SKAP1: variants seen among roughly 807,000 people sequenced by gnomAD.
The protein encoded by SKAP1 is src kinase associated phosphoprotein 1, also known as src kinase-associated phosphoprotein 1.
Under a neutral mutation model 58.5 loss-of-function variants are expected in SKAP1, and 44 were observed. The ratio of observed to expected loss-of-function variants is 0.75; its 90% CI spans 0.59 to 0.97. The LOEUF (loss-of-function observed/expected upper bound fraction) is 0.97, where lower values mean the gene tolerates loss of function less well. SKAP1 is among the 50% of genes least tolerant of loss of function. The probability of loss-of-function intolerance (pLI) is 0.00; values close to 1 mark genes in which losing one functional copy is unlikely to be tolerated. For missense variants in SKAP1, 390 were observed against 435.2 expected (o/e 0.90, Z 0.92); for synonymous variants, 127 against 149.7 (o/e 0.85, Z 1.11).
chr17:48,230,391 A>T (rs939911213), intron 4 of SKAP1, among the ~76,000 whole-genome samples: 4 of 152,134 alleles, frequency 2.6e-5, no homozygotes, highest in African/African-American at 7.2e-5. Flanking sequence ...GAACTGCTTG[A>T]TGGGGGAGAG....
At chr17:48,153,909 AAAG>A (rs1206290066) in intron 11 of SKAP1, among the ~76,000 whole-genome samples, 3 of 152,124 alleles carry the variant, frequency 2.0e-5, no homozygotes, top group African/African-American at 4.8e-5. Flanking sequence ...AAAAAAAAAA[AAAG>A]AAAAAAAAAT....
intron 2 of SKAP1, among the ~76,000 whole-genome samples, chr17:48,370,117 CAG>C (rs1384975550): frequency 7.9e-5 from 12 of 152,116 alleles, no homozygotes; most frequent in African/African-American, 2.9e-4. Flanking sequence ...CCCAAATTCA[CAG>C]AGTCTATAAA....
intron 4 of SKAP1, among the ~76,000 whole-genome samples, chr17:48,296,870 C>T (rs190691102): frequency 3.9e-4 from 59 of 152,086 alleles, no homozygotes; most frequent in African/African-American, 1.3e-3. Flanking sequence ...ACTACAGCTT[C>T]AGAAACTGAA....
intron 4 of SKAP1, among the ~76,000 whole-genome samples, chr17:48,242,269 C>A (rs1051212962): frequency 6.6e-6 from 1 of 152,118 alleles, no homozygotes; most frequent in Non-Finnish European, 1.5e-5. Flanking sequence ...GAATGAACGT[C>A]GTTGATCAGT....
At chr17:48,410,961 AG>A (rs1289616759) in intron 1 of SKAP1, among the ~76,000 whole-genome samples, 5 of 150,948 alleles carry the variant, frequency 3.3e-5, no homozygotes, top group Non-Finnish European at 7.4e-5. Context: ...AAAAAAAGAA[AG>A]GGGCACAGGA....
At chr17:48,186,175 G>A (rs1482004564) in intron 6 of SKAP1, among the ~76,000 whole-genome samples, 1 of 152,184 alleles carries the variant, frequency 6.6e-6, no homozygotes, top group East Asian at 1.9e-4. Flanking sequence ...AGAACAACTG[G>A]CTGGATTGAA....
At chr17:48,425,971 C>T (rs1308855979) in intron 1 of SKAP1, among the ~76,000 whole-genome samples, 1 of 152,058 alleles carries the variant, frequency 6.6e-6, no homozygotes, top group African/African-American at 2.4e-5. Flanking sequence ...TTGAAGATAG[C>T]CGTAGACTGG....
intron 2 of SKAP1, 105 bp from the exon 3 acceptor site, chr17:48,363,919 G>T: frequency 1.3e-6 from 1 of 791,154 alleles, no homozygotes; most frequent in Non-Finnish European, 1.9e-6. Context: ...GCTTGCTAAA[G>T]TCTATAACCA....
chr17:48,158,177 CAAAAAA>C (rs55933327), intron 11 of SKAP1, among the ~76,000 whole-genome samples: 17 of 106,272 alleles, frequency 1.6e-4, no homozygotes, highest in African/African-American at 2.1e-4. Flanking sequence ...AACTCTGTCT[CAAAAAA>C]AAAAAAAAAA....
intron 4 of SKAP1, among the ~76,000 whole-genome samples, chr17:48,198,243 C>G (rs2064668895): frequency 6.6e-6 from 1 of 151,886 alleles, no homozygotes; most frequent in Non-Finnish European, 1.5e-5. Context: ...ATCACGAGGT[C>G]AGGAGATCGA....
chr17:48,373,519 A>T (rs556311984), intron 2 of SKAP1, among the ~76,000 whole-genome samples: 3 of 152,362 alleles, frequency 2.0e-5, no homozygotes, highest in South Asian at 2.1e-4. Flanking sequence ...TATATAAAAA[A>T]AAATAAATCT....
At chr17:48,410,959 A>G (rs1210147534) in intron 1 of SKAP1, among the ~76,000 whole-genome samples, 1 of 145,162 alleles carries the variant, frequency 6.9e-6, no homozygotes, top group African/African-American at 2.5e-5. Flanking sequence ...AAAAAAAAAG[A>G]AAGGGGCACA....
chr17:48,390,968 G>A lies in SKAP1; in HGVS notation c.152+5712C>T, dbSNP rs544584146. 1.5e-4 allele frequency among the ~76,000 whole-genome samples: 23 copies of A among 152,098 alleles called. No individual in the cohort carries two copies. The South Asian group carries it at 4.2e-3, about 28-fold the overall frequency. On this transcript the variant is annotated intron_variant, in intron 2 of 12. Transcript: ENST00000336915. ...TGCACGCCTGTAGTCCCAGCTACTC[G>A]GGTGGCTGAGGCACAAGAATTGCTT...
chr17:48,425,177 G>T (rs374684490), intron 1 of SKAP1, among the ~76,000 whole-genome samples: 15 of 152,264 alleles, frequency 9.9e-5, no homozygotes, highest in African/African-American at 3.4e-4. Flanking sequence ...AGAATTGCTC[G>T]AACCTGGGAG....
chr17:48,321,731 A>C (rs964820996), intron 4 of SKAP1, among the ~76,000 whole-genome samples: 3 of 152,034 alleles, frequency 2.0e-5, no homozygotes, highest in African/African-American at 7.2e-5. Context: ...TCTCCATTGA[A>C]AGGTCCACTG....
the SKAP1 span, among the ~76,000 whole-genome samples, chr17:48,438,422 T>C: frequency 0.11 from 16,231 of 152,232 alleles, 905 homozygotes; most frequent in East Asian, 0.21. Context: ...TTCTTACTCA[T>C]TAAAGATATA....
chr17:48,334,849 G>A (rs890047248), intron 4 of SKAP1, among the ~76,000 whole-genome samples: 2 of 151,598 alleles, frequency 1.3e-5, no homozygotes, highest in African/African-American at 4.8e-5. Flanking sequence ...TTAATAAATA[G>A]CTGAGATTAA....
intron 12 of SKAP1, among the ~76,000 whole-genome samples, chr17:48,136,233 G>A (rs1313330853): frequency 2.0e-5 from 3 of 151,578 alleles, no homozygotes; most frequent in South Asian, 2.1e-4. Context: ...GTGCAATGGC[G>A]TGATCTTGGC....
chr17:48,375,301 A>T (rs1364805053), intron 2 of SKAP1, among the ~76,000 whole-genome samples: 1 of 148,210 alleles, frequency 6.7e-6, no homozygotes, highest in Admixed American at 6.8e-5. Context: ...TCTGAGATTG[A>T]CAGTATAACT....
Sources: gnomAD v4.1 joint callset for allele counts (sites outside exome capture counted in the v4.1 genomes callset) on GRCh38, gnomAD v4.1.1 for gene constraint, MANE v1.5 for transcripts, NCBI Gene and HGNC (gene_info 2026-07-23, HGNC 2026-07-21) for gene names.